Variants in PARVB observed in about 807,000 individuals in gnomAD.
PARVB encodes beta-parvin.
In PARVB, 46 loss-of-function variants were observed where a neutral mutation model predicts 47.0. The ratio of observed to expected loss-of-function variants is 0.98; its 90% confidence interval spans 0.77 to 1.25. PARVB has a LOEUF of 1.25. Ranked by LOEUF, PARVB falls within the 50% of genes most tolerant of loss-of-function variation. The pLI, the probability that PARVB is intolerant of heterozygous loss-of-function variation, is 0.00. For missense variants in PARVB, 473 were observed against 471.6 expected (o/e 1.00, Z -0.03); for synonymous variants, 196 against 196.3 (o/e 1.00, Z 0.01).
intron 4 of PARVB, among the ~76,000 whole-genome samples, chr22:44,122,582 G>GAGAGAC (rs2053091795): frequency 7.5e-6 from 1 of 132,764 alleles, no homozygotes; most frequent in African/African-American, 3.6e-5. Context: ...GAGAGAGAGA[G>GAGAGAC]AGAGAGAGAG....
At chr22:44,167,894 G>A (rs893116228) in intron 12 of PARVB, 1 of 152,480 alleles carries the variant, frequency 6.6e-6, no homozygotes, top group Admixed American at 6.5e-5. Context: ...GAGGGTGTGT[G>A]AGTCGAGAAA....
At chr22:44,165,117 C>T (rs747580400) in intron 12 of PARVB, among the ~76,000 whole-genome samples, 10 of 152,140 alleles carry the variant, frequency 6.6e-5, no homozygotes, top group East Asian at 1.9e-4. Flanking sequence ...CTCAGTCTGT[C>T]GAGTAACTGG....
chr22:44,038,518 C>T (rs567704187), intron 1 of PARVB, among the ~76,000 whole-genome samples: 30 of 152,196 alleles, frequency 2.0e-4, no homozygotes, highest in African/African-American at 6.5e-4. Flanking sequence ...TGGTGGCTCA[C>T]ACCTGTAATC....
chr22:44,172,796 C>G lies in PARVB; in HGVS notation c.*4118C>G. On this transcript the variant is annotated 3_prime_UTR_variant, in exon 13 of 13. Coordinates refer to ENST00000338758, the MANE Select transcript of PARVB (RefSeq NM_013327.5). ...CTGGCCATGCTGTTTGTCAGGCCCA[C>G]CTGGCTGAGTGCAGGAAGCAAGCGC... is the stretch of plus-strand genomic sequence containing the variant. 2.8e-6 allele frequency: 1 copy of G among 354,052 alleles called. No individual in the cohort carries two copies. The highest frequency in any genetic ancestry group is 5.1e-6 in the Non-Finnish European group (1 of 194,238). 21.9% of individuals were successfully genotyped at this position (354,052 alleles called of 1,614,324 possible).
intron 4 of PARVB, among the ~76,000 whole-genome samples, chr22:44,123,379 G>C (rs2053114050): frequency 6.6e-6 from 1 of 152,214 alleles, no homozygotes; most frequent in South Asian, 2.1e-4. Context: ...AATTTTGAGA[G>C]GGAGAGAGAG....
chr22:44,000,575 C>T (rs1420697932), intron 2 of PARVB, among the ~76,000 whole-genome samples: 2 of 152,188 alleles, frequency 1.3e-5, no homozygotes, highest in East Asian at 1.9e-4. Context: ...ATTCTTGCAT[C>T]TGGTTCTGCA....
chr22:44,024,418 G>C lies in PARVB; in HGVS notation c.79G>C (p.Gly27Arg). 8.0e-7 allele frequency: 1 copy of C among 1,246,828 alleles called. No individual in the cohort carries two copies. Among genetic ancestry groups the C allele is most frequent in the South Asian group, 2.1e-5 (1 of 46,784 alleles). 77.2% of individuals were successfully genotyped at this position (1,246,828 alleles called of 1,614,324 possible). Residue 27 changes from glycine to arginine, a missense_variant, in exon 1 of 13, where the codon GGC becomes CGC. By Grantham distance (125) the Gly-to-Arg change is moderately radical (BLOSUM62 -2). Coordinates refer to ENST00000338758, the MANE Select transcript of PARVB (RefSeq NM_013327.5). ...CGAGTCGTTCCTGGGCAAGCTGGGC[G>C]GCACCCTGGCCAGGAAGCGGAGGGC... The part of the protein sequence containing the change: ...KDESFLGKLG[G>R]TLARKRRARE...
At chr22:44,081,599 G>T in intron 1 of PARVB, 3 of 985,240 alleles carry the variant, frequency 3.0e-6, no homozygotes, top group Non-Finnish European at 3.6e-6. Context: ...GCTTCTGCAC[G>T]GCCGTTTCTG....
At chr22:44,005,717 C>T (rs1033243104) in intron 2 of PARVB, among the ~76,000 whole-genome samples, 1 of 152,154 alleles carries the variant, frequency 6.6e-6, no homozygotes, top group African/African-American at 2.4e-5. Flanking sequence ...TGGGAAGTTC[C>T]TCTGATTGGT....
chr22:44,002,250 A>C (rs1189162657), intron 2 of PARVB, among the ~76,000 whole-genome samples: 1 of 152,208 alleles, frequency 6.6e-6, no homozygotes, highest in Non-Finnish European at 1.5e-5. Flanking sequence ...ACGCTTCGGG[A>C]ACCACTGATC....
intron 1 of PARVB, among the ~76,000 whole-genome samples, chr22:44,087,766 G>A (rs1449340136): frequency 1.3e-5 from 2 of 149,366 alleles, no homozygotes; most frequent in African/African-American, 4.9e-5. Context: ...TAAATGGCAG[G>A]CTTCTGATGA....
chr22:44,060,998 G>A (rs34328509), intron 1 of PARVB, among the ~76,000 whole-genome samples: 3,289 of 152,254 alleles, frequency 0.022, 47 homozygotes, highest in Middle Eastern at 0.027. Flanking sequence ...TTAACATTGA[G>A]CTCACGGCCA....
At position 44,163,842 on chromosome 22, in the gene PARVB, C is replaced by A; in HGVS notation, c.946-16C>A. 6.2e-7 allele frequency: 1 copy of A among 1,600,524 alleles called. No individual in the cohort carries two copies. The highest frequency in any genetic ancestry group is 2.3e-5 in the East Asian group (1 of 44,118). On this transcript the variant is annotated splice_polypyrimidine_tract_variant and intron_variant, in intron 11 of 12. Coordinates refer to ENST00000338758, the MANE Select transcript of PARVB (RefSeq NM_013327.5). ...CTGTTGGACCCTAACGCTGACCCAC[C>A]CCCCTTCCTTGGCAGGTCCACAATG...
At chr22:44,102,677 C>CAAAAAAAA (rs3216456) in intron 3 of PARVB, 26 of 140,810 alleles carry the variant, frequency 1.8e-4, no homozygotes, top group African/African-American at 6.5e-4. Context: ...CTGTCTCTAC[C>CAAAAAAAA]AAAAAAAAAA....
intron 2 of PARVB, among the ~76,000 whole-genome samples, chr22:44,095,545 T>G (rs1177068457): frequency 1.3e-5 from 2 of 151,602 alleles, no homozygotes; most frequent in Admixed American, 6.6e-5. Context: ...CAAAACACAA[T>G]TAATATGCTT....
intron 1 of PARVB, among the ~76,000 whole-genome samples, chr22:44,052,057 C>A (rs927104813): frequency 8.5e-5 from 13 of 152,180 alleles, no homozygotes; most frequent in Non-Finnish European, 1.9e-4. Context: ...CTTCTGGCCT[C>A]CAGAACTGGG....
intron 1 of PARVB, among the ~76,000 whole-genome samples, chr22:44,032,472 C>G (rs1003909367): frequency 6.6e-6 from 1 of 152,018 alleles, no homozygotes. Context: ...CCCAGCTCTG[C>G]GTTTCTGAGC....
At chr22:44,037,425 A>G (rs1016156217) in intron 1 of PARVB, among the ~76,000 whole-genome samples, 1 of 152,172 alleles carries the variant, frequency 6.6e-6, no homozygotes, top group African/African-American at 2.4e-5. Context: ...CCTGTCTCAA[A>G]AAAACAAAAA....
intron 3 of PARVB, chr22:44,115,280 C>T (rs1299538664): frequency 1.6e-5 from 1 of 64,298 alleles, no homozygotes; most frequent in Non-Finnish European, 3.0e-5. Flanking sequence ...TAAGGCCCTG[C>T]ACCAACACAG....
Sources: gnomAD v4.1 joint callset for allele counts (sites outside exome capture counted in the v4.1 genomes callset) on GRCh38, gnomAD v4.1.1 for gene constraint, MANE v1.5 for transcripts, NCBI Gene and HGNC (gene_info 2026-07-23, HGNC 2026-07-21) for gene names.